Variants in FGGY observed in about 807,000 individuals in gnomAD.
The protein encoded by FGGY is FGGY carbohydrate kinase domain containing, also known as FGGY carbohydrate kinase domain-containing protein.
Under a neutral mutation model 71.3 loss-of-function variants are expected in FGGY, and 72 were observed. The observed-to-expected ratio is 1.01, with a 90% CI of 0.84 to 1.23. The LOEUF is 1.23. Ranked by LOEUF, FGGY falls within the 50% of genes most tolerant of loss-of-function variation. The pLI is 0.00. For synonymous variants in FGGY, 251 were observed against 250.3 expected (o/e 1.00, Z -0.02); for missense variants, 668 against 682.3 (o/e 0.98, Z 0.23).
chr1:59,470,027 C>T (rs951484360), intron 6 of FGGY, among the ~76,000 whole-genome samples: 1 of 152,132 alleles, frequency 6.6e-6, no homozygotes, highest in African/African-American at 2.4e-5. Context: ...GATTCCATGT[C>T]TTTGCTATTG....
Position 59,465,198 on chromosome 1 carries a change from C to T in FGGY, c.670+8122C>T, listed in dbSNP as rs1055189571. 1.1e-4 allele frequency among the ~76,000 whole-genome samples: 17 copies of T among 152,264 alleles called. No individual in the cohort carries two copies. In the East Asian group the frequency reaches 1.3e-3, roughly 12 times the overall value. ...TTGGTTTCACCCCTGGGATGTAAGG[C>T]GGTTCCACATATGCAAATTAATTAA... On this transcript the variant is annotated intron_variant, in intron 6 of 15. Transcript: ENST00000303721.
chr1:59,372,730 C>T (rs75052106), intron 4 of FGGY, among the ~76,000 whole-genome samples: 5,207 of 152,100 alleles, frequency 0.034, 216 homozygotes, highest in African/African-American at 0.1. Flanking sequence ...TGGCCGTCAT[C>T]CCTGGGATGT....
intron 8 of FGGY, among the ~76,000 whole-genome samples, chr1:59,568,467 G>A (rs565783121): frequency 7.5e-6 from 1 of 133,940 alleles, no homozygotes; most frequent in African/African-American, 2.7e-5. Flanking sequence ...GGGGGGGCGG[G>A]GGGGGGTGTT....
At chr1:59,466,246 A>C (rs574295710) in intron 6 of FGGY, among the ~76,000 whole-genome samples, 54 of 152,218 alleles carry the variant, frequency 3.5e-4, no homozygotes, top group African/African-American at 9.9e-4. Context: ...CAAAAACAAG[A>C]AATGGGGAAA....
rs186006072 is a variant in FGGY, at chr1:59,384,505, T to C, written c.554+5668T>C. On this transcript the variant is annotated intron_variant, in intron 5 of 15. Coordinates refer to ENST00000303721, the MANE Select transcript of FGGY (RefSeq NM_018291.5). ...TAATGACAACACCTGCTCCATGGGG[T>C]TATTGTAGAGAAAGCTTCTAACACA... Among the ~76,000 whole-genome samples the C allele has an allele frequency of 2.1e-3, 313 of 152,196 alleles. 4 individuals carry two copies. Among genetic ancestry groups the C allele is most frequent in the East Asian group, 3.9e-4 (2 of 5,186 alleles).
chr1:59,457,003 G>C lies in FGGY; in HGVS notation c.597G>C (p.Glu199Asp). ...SLVCKWTYSA[E>D]KGWDDSFWKM... ...TGTGTAAGTGGACATATTCAGCAGAGAAAGGCTGGGACGACAGTTTCTGGA... is the reference window on the plus strand; with the variant it reads ...TGTGTAAGTGGACATATTCAGCAGACAAAGGCTGGGACGACAGTTTCTGGA... Residue 199 changes from glutamate (E) to aspartate (D), a missense_variant, in exon 6 of 16, where the codon GAG becomes GAC. Transcript: ENST00000303721. 1 of 1,614,122 alleles carries C rather than the reference G, an allele frequency of 6.2e-7. No individual in the cohort carries two copies. Among genetic ancestry groups the C allele is most frequent in the Non-Finnish European group, 8.5e-7 (1 of 1,180,002 alleles).
intron 7 of FGGY, among the ~76,000 whole-genome samples, chr1:59,531,550 A>T (rs996586066): frequency 3.3e-5 from 5 of 152,210 alleles, no homozygotes; most frequent in African/African-American, 1.2e-4. Context: ...GCTGGGTTCA[A>T]CATTTCCACC....
chr1:59,611,403 C>T (rs372553981), intron 9 of FGGY, among the ~76,000 whole-genome samples: 29 of 152,276 alleles, frequency 1.9e-4, no homozygotes, highest in East Asian at 5.8e-4. Flanking sequence ...TAGAGTGAAA[C>T]GCCAGCAATC....
At chr1:59,553,427 T>C (rs764387143) in intron 7 of FGGY, among the ~76,000 whole-genome samples, 1 of 152,216 alleles carries the variant, frequency 6.6e-6, no homozygotes, top group Non-Finnish European at 1.5e-5. Flanking sequence ...GCCCTGCAAG[T>C]ATCAAGGAAT....
intron 9 of FGGY, among the ~76,000 whole-genome samples, chr1:59,608,918 A>C (rs1237414758): frequency 6.6e-6 from 1 of 152,190 alleles, no homozygotes; most frequent in Non-Finnish European, 1.5e-5. Context: ...CTTAATACAA[A>C]CTTGTTGAAT....
intron 8 of FGGY, among the ~76,000 whole-genome samples, chr1:59,593,533 A>C (rs990371137): frequency 1.3e-5 from 2 of 152,194 alleles, no homozygotes; most frequent in Non-Finnish European, 2.9e-5. Context: ...GGCTTGTGAT[A>C]ATTATAAAAT....
Position 59,554,217 on chromosome 1 carries a change from G to A in FGGY, c.893G>A (p.Cys298Tyr). 1 of 1,613,196 alleles carries A rather than the reference G, an allele frequency of 6.2e-7. No individual in the cohort carries two copies. Among genetic ancestry groups the A allele is most frequent in the South Asian group, 1.1e-5 (1 of 91,010 alleles). Residue 298 changes from cysteine to tyrosine, a missense_variant, in exon 8 of 16, where the codon TGT (cysteine) becomes TAT (tyrosine). Cys to Tyr is a radical substitution (Grantham distance 194). Transcript: ENST00000303721. ...GCTGTCATCTGTGGAACGTCTTCTTGTCACATGGGGGTGAGTCCACTGAGC... is the reference window on the plus strand; with the variant it reads ...GCTGTCATCTGTGGAACGTCTTCTTATCACATGGGGGTGAGTCCACTGAGC... The part of the protein sequence containing the change: ...RLAVICGTSS[C>Y]HMGISKDPIF...
In FGGY at chr1:59,467,619, C is replaced by A. The variant is rs12239414; in HGVS notation, c.670+10543C>A. On this transcript the variant is annotated intron_variant, in intron 6 of 15. Transcript: ENST00000303721. ...AATTCCTTTTATTATAGAGTTACTA[C>A]AATAATTGTCTTTTACTGCCTCTAC... Among the ~76,000 whole-genome samples, 868 of 152,090 alleles carry A rather than the reference C, an allele frequency of 5.7e-3. 7 individuals are homozygous for A. Among genetic ancestry groups the A allele is most frequent in the African/African-American group, 0.02 (839 of 41,500 alleles).
intron 7 of FGGY, among the ~76,000 whole-genome samples, chr1:59,518,571 G>A (rs1297265630): frequency 6.6e-6 from 1 of 152,144 alleles, no homozygotes; most frequent in Non-Finnish European, 1.5e-5. Context: ...CATGGTGGTG[G>A]ATTTCTCATG....
At chr1:59,723,996 C>G (rs963944626) in intron 14 of FGGY, among the ~76,000 whole-genome samples, 2 of 150,788 alleles carry the variant, frequency 1.3e-5, no homozygotes, top group African/African-American at 4.9e-5. Context: ...AACCCCGTCT[C>G]TACTAGAAAT....
intron 6 of FGGY, among the ~76,000 whole-genome samples, chr1:59,459,094 C>A (rs1330154037): frequency 6.6e-6 from 1 of 152,182 alleles, no homozygotes; most frequent in Non-Finnish European, 1.5e-5. Context: ...ATAATTTGCT[C>A]CATGTGGAGC....
At chr1:59,598,310 G>GT (rs1299518445) in intron 8 of FGGY, among the ~76,000 whole-genome samples, 1 of 152,144 alleles carries the variant, frequency 6.6e-6, no homozygotes. Flanking sequence ...AGGCTTCAGA[G>GT]TTTTTTTGGC....
intron 5 of FGGY, among the ~76,000 whole-genome samples, chr1:59,399,428 A>T (rs1442687438): frequency 1.3e-5 from 2 of 152,328 alleles, no homozygotes; most frequent in East Asian, 3.9e-4. Flanking sequence ...TACTCATTTT[A>T]TAGATGAGTT....
chr1:59,670,449 G>C (rs2097367794), intron 13 of FGGY, among the ~76,000 whole-genome samples: 1 of 152,160 alleles, frequency 6.6e-6, no homozygotes, highest in Non-Finnish European at 1.5e-5. Flanking sequence ...GATTTTTTTG[G>C]AGATAGTGTG....
Sources: allele counts gnomAD v4.1 joint callset (sites outside exome capture counted in the v4.1 genomes callset), GRCh38; gene constraint gnomAD v4.1.1; transcripts MANE v1.5; gene names NCBI Gene and HGNC (gene_info 2026-07-23, HGNC 2026-07-21).